SLFN5: variants seen among roughly 807,000 people sequenced by gnomAD.
SLFN5 encodes the protein schlafen family member 5.
Under a neutral mutation model 48.5 loss-of-function variants are expected in SLFN5, and 34 were observed. The ratio of observed to expected loss-of-function variants is 0.70; its 90% CI spans 0.53 to 0.93. The LOEUF is 0.93. SLFN5 is among the 40% of genes least tolerant of loss of function. SLFN5 has a pLI of 0.00. For synonymous variants in SLFN5, 387 were observed against 396.2 expected (o/e 0.98, Z 0.28); for missense variants, 1,006 against 1,071.3 (o/e 0.94, Z 0.85).
rs753790364 is a variant in SLFN5, at chr17:35,259,581, G to A, written c.891G>A (p.Lys297=). 3.0e-5 allele frequency: 48 copies of A among 1,613,056 alleles called. No homozygotes were observed. The Admixed American group carries it at 7.8e-4, about 26-fold the overall frequency. ...TCCGTGGATATGTCTGTGCAATCAA[G>A]GTGGAGAAATTCTGCTGTGCGGTGT... is the stretch of plus-strand genomic sequence containing the variant. The part of the protein sequence containing the change: ...GALRGYVCAI[K]VEKFCCAVFA... Residue 297 remains lysine, a synonymous_variant, in exon 2 of 5, where the codon AAG becomes AAA. Coordinates refer to ENST00000299977, the MANE Select transcript of SLFN5 (RefSeq NM_144975.4).
Position 35,272,106 on chromosome 17 carries a change from G to A in SLFN5, c.*6218G>A, listed in dbSNP as rs1179537249. Reference sequence around the variant, plus strand: ...AATCTAGAAAAGAAGAAACCTGAGTGAGTCAGCATGACCAAATATTAAAAC... The same window carrying A: ...AATCTAGAAAAGAAGAAACCTGAGTAAGTCAGCATGACCAAATATTAAAAC... On this transcript the variant is annotated 3_prime_UTR_variant, in exon 5 of 5. Coordinates refer to ENST00000299977, the MANE Select transcript of SLFN5 (RefSeq NM_144975.4). The A allele has an allele frequency of 6.6e-6, 1 of 152,024 alleles. No homozygotes were observed. The highest frequency in any genetic ancestry group is 2.4e-5 in the African/African-American group (1 of 41,380). The allele number at this position is 152,024 out of a possible 1,614,324, so 9.4% of individuals were successfully genotyped here.
At chr17:35,264,128 G>A in intron 3 of SLFN5, 55 bp from the exon 4 acceptor site, 1 of 1,516,568 alleles carries the variant, frequency 6.6e-7, no homozygotes, top group Non-Finnish European at 8.8e-7. Context: ...GTATAATGAT[G>A]ATTACTAGCT....
At chr17:35,257,707 A>G (rs190410064) in intron 1 of SLFN5, among the ~76,000 whole-genome samples, 1 of 151,736 alleles carries the variant, frequency 6.6e-6, no homozygotes, top group Admixed American at 6.5e-5. Context: ...GGATGTATAT[A>G]TATGATTTTT....
At chr17:35,247,086 T>C (rs552930138) in intron 1 of SLFN5, among the ~76,000 whole-genome samples, 19 of 152,100 alleles carry the variant, frequency 1.2e-4, no homozygotes, top group Non-Finnish European at 2.1e-4. Flanking sequence ...AGTTGACTGG[T>C]AGTGGTCAGG....
intron 2 of SLFN5, among the ~76,000 whole-genome samples, chr17:35,260,458 C>T (rs1038011879): frequency 6.6e-6 from 1 of 152,170 alleles, no homozygotes; most frequent in African/African-American, 2.4e-5. Flanking sequence ...GGCACGGTGG[C>T]TCATGCCTGT....
intron 1 of SLFN5, among the ~76,000 whole-genome samples, chr17:35,254,482 C>A (rs1316535974): frequency 6.6e-6 from 1 of 152,204 alleles, no homozygotes; most frequent in East Asian, 1.9e-4. Flanking sequence ...GGGGGCAGGG[C>A]AAAGACAGTG....
In SLFN5 at chr17:35,265,490, A is replaced by T. The variant is rs1484436550; in HGVS notation, c.2278A>T (p.Ile760Phe). 1 of 1,614,252 alleles carries T rather than the reference A, an allele frequency of 6.2e-7. No homozygotes were observed. The highest frequency in any genetic ancestry group is 8.5e-7 in the Non-Finnish European group (1 of 1,180,052). ...WAQGVPGNLE[I>F]IEDLNLEEIL... is the part of the protein sequence containing the mutation. Reference sequence around the variant, plus strand: ...TCAAGGTGTCCCAGGCAACTTAGAGATTATTGAAGACTTGAACTTGGAGGA... The same window carrying T: ...TCAAGGTGTCCCAGGCAACTTAGAGTTTATTGAAGACTTGAACTTGGAGGA... Residue 760 changes from isoleucine (I) to phenylalanine (F), a missense_variant, in exon 5 of 5, where the codon ATT (isoleucine) becomes TTT (phenylalanine). Physicochemically the swap from Ile to Phe is conservative, Grantham distance 21. Transcript: ENST00000299977.
At position 35,259,370 on chromosome 17, in the gene SLFN5, T is replaced by C. The variant is rs1904449546; in HGVS notation, c.680T>C (p.Val227Ala). 6.2e-7 allele frequency: 1 copy of C among 1,614,070 alleles called. No homozygotes were observed. Among genetic ancestry groups the C allele is most frequent in the Non-Finnish European group, 8.5e-7 (1 of 1,180,056 alleles). ...SAFANTEGGY[V>A]FFGVHDETCQ... ...TTTGCAAATACTGAAGGAGGATATG[T>C]ATTTTTTGGTGTGCATGATGAGACT... The change falls in exon 2 of 5, where the codon GTA (valine) becomes GCA (alanine). Residue 227 changes from valine to alanine, a missense_variant. Physicochemically the swap from Val to Ala is moderately conservative, Grantham distance 64. Coordinates refer to ENST00000299977, the MANE Select transcript of SLFN5 (RefSeq NM_144975.4).
At position 35,272,225 on chromosome 17, in the gene SLFN5, C is replaced by T. The variant is rs1315723603; in HGVS notation, c.*6337C>T. On this transcript the variant is annotated 3_prime_UTR_variant, in exon 5 of 5. Coordinates refer to ENST00000299977, the MANE Select transcript of SLFN5 (RefSeq NM_144975.4). ...AATGGCCAAAAATAAATTTAAAATA[C>T]ATGTTGAAATGTATTAACAGCATAT... is the stretch of plus-strand genomic sequence containing the variant. 2 of 151,992 alleles carry T rather than the reference C, an allele frequency of 1.3e-5. No homozygotes were observed. Among genetic ancestry groups the T allele is most frequent in the South Asian group, 2.1e-4 (1 of 4,822 alleles). 9.4% of individuals were successfully genotyped at this position (151,992 alleles called of 1,614,324 possible).
chr17:35,243,137 C>G lies in SLFN5; in HGVS notation c.-47C>G, dbSNP rs1291325435. On this transcript the variant is annotated 5_prime_UTR_variant, in exon 1 of 5. Transcript: ENST00000299977. ...AGGGAGACGCGCTGCCGAGGAGAAC[C>G]CAGCGGGTAATGAATCCCCCGCGCT... 2 of 152,386 alleles carry G rather than the reference C, an allele frequency of 1.3e-5. No homozygotes were observed. Among genetic ancestry groups the G allele is most frequent in the African/African-American group, 4.8e-5 (2 of 41,446 alleles). 9.4% of individuals were successfully genotyped at this position (152,386 alleles called of 1,614,324 possible).
At chr17:35,246,916 C>T (rs2092432188) in intron 1 of SLFN5, among the ~76,000 whole-genome samples, 1 of 151,946 alleles carries the variant, frequency 6.6e-6, no homozygotes, top group South Asian at 2.1e-4. Flanking sequence ...TTTGCCTAAC[C>T]CAAGGCAAAA....
Position 35,266,885 on chromosome 17 carries a change from C to T in SLFN5, c.*997C>T, listed in dbSNP as rs1398671539. On this transcript the variant is annotated 3_prime_UTR_variant, in exon 5 of 5. Transcript: ENST00000299977. ...TTTCCTGTGGGTCTCTAGAAACTCT[C>T]TCAATATTTAAAGCCAAACAAATCC... The T allele has an allele frequency of 3.9e-5, 6 of 152,194 alleles. No homozygotes were observed. Among genetic ancestry groups the T allele is most frequent in the Non-Finnish European group, 2.9e-5 (2 of 68,042 alleles). 9.4% of individuals were successfully genotyped at this position (152,194 alleles called of 1,614,324 possible).
rs769386336 is a variant in SLFN5, at chr17:35,265,671, A to T, written c.2459A>T (p.His820Leu). 9.3e-6 allele frequency: 15 copies of T among 1,614,096 alleles called. No homozygotes were observed. Among genetic ancestry groups the T allele is most frequent in the Admixed American group, 1.7e-5 (1 of 60,010 alleles). ...AMRKRKLSQLHEESDLLLQIG... is the reference protein window; with the variant it reads ...AMRKRKLSQLLEESDLLLQIG... ...AGGAAGAGAAAACTGTCTCAGCTCC[A>T]TGAGGAGTCTGATCTGTTACTACAG... The change falls in exon 5 of 5, where the codon CAT becomes CTT. Residue 820 changes from histidine (H) to leucine (L), a missense_variant. His to Leu is a moderately conservative substitution (Grantham distance 99, BLOSUM62 -3). Transcript: ENST00000299977.
chr17:35,253,287 A>G (rs976210712), intron 1 of SLFN5, among the ~76,000 whole-genome samples: 4 of 152,144 alleles, frequency 2.6e-5, no homozygotes, highest in Admixed American at 6.5e-5. Flanking sequence ...GATTTGCACA[A>G]TGAACTTTAG....
Position 35,265,060 on chromosome 17 carries a change from T to C in SLFN5, c.1860-12T>C, listed in dbSNP as rs1405901761. 2.5e-6 allele frequency: 4 copies of C among 1,597,504 alleles called. No homozygotes were observed. Among genetic ancestry groups the C allele is most frequent in the South Asian group, 1.1e-5 (1 of 87,634 alleles). The stretch of plus-strand genomic sequence containing the variant: ...GTTTCATTGGGGAAAAACCTGACTC[T>C]GTTTCTTACAGTTTCAGCAAGAAAA... On this transcript the variant is annotated splice_polypyrimidine_tract_variant and intron_variant, in intron 4 of 4. Transcript: ENST00000299977.
chr17:35,264,622 G>A lies in SLFN5; in HGVS notation c.1578G>A (p.Met526Ile). The A allele has an allele frequency of 1.9e-6, 3 of 1,614,154 alleles. No individual in the cohort carries two copies. The highest frequency in any genetic ancestry group is 2.5e-6 in the Non-Finnish European group (3 of 1,180,022). ...ATAACTTCATGACCCCCCAGCACAT[G>A]GAAGCCCTGTTACAGTCCCTCGTGA... ...ESYNFMTPQH[M>I]EALLQSLVIV... The change falls in exon 4 of 5, where the codon ATG becomes ATA. Residue 526 changes from methionine to isoleucine, a missense_variant. By Grantham distance (10) the Met-to-Ile change is conservative (BLOSUM62 1). Transcript: ENST00000299977.
Position 35,265,974 on chromosome 17 carries a change from A to C in SLFN5, c.*86A>C. 1 of 1,364,988 alleles carries C rather than the reference A, an allele frequency of 7.3e-7. No homozygotes were observed. The highest frequency in any genetic ancestry group is 1.4e-5 in the South Asian group (1 of 69,502). The allele number at this position is 1,364,988 out of a possible 1,614,324, so 84.6% of individuals were successfully genotyped here. A position where few individuals can be genotyped will look rare whatever the true frequency, so the allele number is the denominator to read the frequency against. ...ATTTAATCCAAACATGTAAGCACAC[A>C]CTCACTTATTAAGTCACATACTTTT... On this transcript the variant is annotated 3_prime_UTR_variant, in exon 5 of 5. Transcript: ENST00000299977.
At position 35,271,964 on chromosome 17, in the gene SLFN5, C is replaced by T. The variant is rs954524814; in HGVS notation, c.*6076C>T. 5.3e-5 allele frequency: 8 copies of T among 151,412 alleles called. No individual in the cohort carries two copies. The highest frequency in any genetic ancestry group is 1.3e-4 in the Admixed American group (2 of 15,146). The allele number at this position is 151,412 out of a possible 1,614,324, so 9.4% of individuals were successfully genotyped here. A position where few individuals can be genotyped will look rare whatever the true frequency, so the allele number is the denominator to read the frequency against. ...GAGAATCACCCAAGCCTTGGGAGGT[C>T]GAGGCTGTAGTGAGCCAAAATCACA... On this transcript the variant is annotated 3_prime_UTR_variant, in exon 5 of 5. Coordinates refer to ENST00000299977, the MANE Select transcript of SLFN5 (RefSeq NM_144975.4).
At chr17:35,246,148 G>A (rs1467913858) in intron 1 of SLFN5, among the ~76,000 whole-genome samples, 1 of 152,168 alleles carries the variant, frequency 6.6e-6, no homozygotes, top group Non-Finnish European at 1.5e-5. Context: ...TTGGTAAATT[G>A]TCTATTCAAG....
Sources: gnomAD v4.1 joint callset for allele counts (sites outside exome capture counted in the v4.1 genomes callset) on GRCh38, gnomAD v4.1.1 for gene constraint, MANE v1.5 for transcripts, NCBI Gene and HGNC (gene_info 2026-07-23, HGNC 2026-07-21) for gene names.